ATP9A: variants seen among roughly 807,000 people sequenced by gnomAD.
ATP9A encodes the protein ATPase phospholipid transporting 9A.
In ATP9A, 52 loss-of-function variants were observed where a neutral mutation model predicts 144.1. The observed-to-expected ratio is 0.36, with a 90% confidence interval of 0.29 to 0.45. The LOEUF (loss-of-function observed/expected upper bound fraction) is 0.45. Among genes scored for constraint, ATP9A ranks in the 20% least tolerant of loss-of-function variants. ATP9A has a pLI of 1.00. For synonymous variants in ATP9A, 582 were observed against 557.4 expected, an observed-to-expected ratio of 1.04 and a Z score of -0.62; for missense variants, 947 against 1,392.7, an observed-to-expected ratio of 0.68 and a Z score of 5.09.
intron 14 of ATP9A, among the ~76,000 whole-genome samples, chr20:51,648,347 C>T (rs573583994): frequency 2.8e-4 from 43 of 152,238 alleles, no homozygotes; most frequent in African/African-American, 1.0e-3. Flanking sequence ...AAGATTAAGA[C>T]GAGGCAAAAG....
intron 15 of ATP9A, among the ~76,000 whole-genome samples, chr20:51,638,113 A>ATATATATATG (rs2077302505): frequency 9.9e-6 from 1 of 100,930 alleles, no homozygotes; most frequent in Non-Finnish European, 1.9e-5. Context: ...ATATATATAT[A>ATATATATATG]TATATATATA....
At chr20:51,619,754 GC>G (rs1257149290) in intron 19 of ATP9A, among the ~76,000 whole-genome samples, 2 of 149,954 alleles carry the variant, frequency 1.3e-5, no homozygotes, top group Non-Finnish European at 3.0e-5. Flanking sequence ...TATAATCCCA[GC>G]TACTTGGGAA....
chr20:51,714,616 C>T (rs777179265), intron 3 of ATP9A, among the ~76,000 whole-genome samples: 25 of 152,182 alleles, frequency 1.6e-4, no homozygotes, highest in Admixed American at 8.5e-4. Context: ...GATCCACCCG[C>T]CTCGGCCTCC....
At chr20:51,730,006 G>C (rs1044790531) in intron 1 of ATP9A, 28 bp from the exon 2 acceptor site, 4 of 1,497,046 alleles carry the variant, frequency 2.7e-6, no homozygotes, top group Non-Finnish European at 3.6e-6. Flanking sequence ...ACGCATCAAG[G>C]CCACGCCCAC....
chr20:51,731,344 C>T (rs1047235101), intron 1 of ATP9A, among the ~76,000 whole-genome samples: 1 of 151,920 alleles, frequency 6.6e-6, no homozygotes, highest in Non-Finnish European at 1.5e-5. Context: ...TAAAGGTAGG[C>T]TTTATTTTAG....
intron 9 of ATP9A, among the ~76,000 whole-genome samples, chr20:51,687,456 C>A (rs911832626): frequency 2.6e-5 from 4 of 152,108 alleles, no homozygotes; most frequent in Admixed American, 6.5e-5. Context: ...AATCGAGTGT[C>A]TACTACTGTA....
At chr20:51,719,650 T>C (rs1385282582) in intron 3 of ATP9A, among the ~76,000 whole-genome samples, 1 of 150,478 alleles carries the variant, frequency 6.6e-6, no homozygotes, top group Non-Finnish European at 1.5e-5. Flanking sequence ...GGAGAATCGC[T>C]TGAACCCAGG....
intron 26 of ATP9A, among the ~76,000 whole-genome samples, chr20:51,606,705 T>C (rs942492869): frequency 6.6e-6 from 1 of 152,050 alleles, no homozygotes; most frequent in African/African-American, 2.4e-5. Context: ...TCACAGTCCA[T>C]TGGGAAGAAA....
intron 27 of ATP9A, among the ~76,000 whole-genome samples, chr20:51,601,628 C>T (rs2077143583): frequency 1.3e-5 from 2 of 152,200 alleles, no homozygotes; most frequent in South Asian, 4.1e-4. Context: ...TGGGGGCCAC[C>T]AGATGCAGTG....
At chr20:51,648,689 A>C (rs2077351869) in intron 14 of ATP9A, among the ~76,000 whole-genome samples, 1 of 152,004 alleles carries the variant, frequency 6.6e-6, no homozygotes, top group Non-Finnish European at 1.5e-5. Flanking sequence ...AAAATTATCC[A>C]GGTGTGGTGG....
intron 4 of ATP9A, among the ~76,000 whole-genome samples, chr20:51,701,544 T>C (rs914686009): frequency 2.9e-4 from 44 of 152,302 alleles, no homozygotes; most frequent in African/African-American, 1.0e-3. Flanking sequence ...AAAACCCCTT[T>C]AATCCTCTGT....
At chr20:51,733,672 C>CT (rs55749429) in intron 1 of ATP9A, among the ~76,000 whole-genome samples, 138,789 of 149,014 alleles carry the variant, frequency 0.93, 64,599 homozygotes, top group East Asian at 1. Context: ...TGTACCTGGC[C>CT]TTTTTTTTTT....
intron 19 of ATP9A, among the ~76,000 whole-genome samples, chr20:51,620,777 C>A (rs1247804885): frequency 1.3e-5 from 2 of 152,068 alleles, no homozygotes; most frequent in Non-Finnish European, 1.5e-5. Context: ...GTTCGTCACA[C>A]GGGGCTGAAA....
intron 22 of ATP9A, 132 bp from the exon 23 acceptor site, chr20:51,613,964 G>T: frequency 1.1e-6 from 1 of 937,498 alleles, no homozygotes; most frequent in Non-Finnish European, 1.6e-6. Context: ...TTGGTTTCAA[G>T]CTATATGCAG....
intron 14 of ATP9A, among the ~76,000 whole-genome samples, chr20:51,646,119 C>A (rs1485755437): frequency 6.6e-6 from 1 of 152,200 alleles, no homozygotes; most frequent in Admixed American, 6.5e-5. Context: ...ACCAAAGGGG[C>A]AGAGCCCACA....
chr20:51,678,122 T>C (rs1341703301), intron 9 of ATP9A, among the ~76,000 whole-genome samples: 2 of 38,194 alleles, frequency 5.2e-5, no homozygotes, highest in Non-Finnish European at 9.2e-5. Context: ...CATACAGGAC[T>C]GGGTGGCAGG....
chr20:51,714,306 C>G (rs754779041), intron 3 of ATP9A, among the ~76,000 whole-genome samples: 2 of 152,046 alleles, frequency 1.3e-5, no homozygotes, highest in African/African-American at 2.4e-5. Context: ...CCTCAGCCTC[C>G]GGAGTAGCTG....
chr20:51,756,916 G>GC (rs1555845885), intron 1 of ATP9A, among the ~76,000 whole-genome samples: 2 of 149,288 alleles, frequency 1.3e-5, no homozygotes, highest in African/African-American at 4.9e-5. Flanking sequence ...TTTCGGTTTT[G>GC]TTTTTTTTTT....
intron 8 of ATP9A, 54 bp downstream of exon 8, chr20:51,690,685 T>G: frequency 6.8e-7 from 1 of 1,460,534 alleles, no homozygotes; most frequent in Non-Finnish European, 9.6e-7. Flanking sequence ...GGCCTTCATT[T>G]CATCCCTTAC....
Sources: gnomAD v4.1 joint callset for allele counts (sites outside exome capture counted in the v4.1 genomes callset) on GRCh38, gnomAD v4.1.1 for gene constraint, MANE v1.5 for transcripts, NCBI Gene and HGNC (gene_info 2026-07-23, HGNC 2026-07-21) for gene names.